TMPRSS4: variants seen among roughly 807,000 people sequenced by gnomAD.
TMPRSS4 encodes the protein transmembrane protease serine 4.
TMPRSS4 carries 45 observed loss-of-function variants against 56.4 expected under a neutral mutation model. The ratio of observed to expected loss-of-function variants is 0.80; its 90% CI spans 0.63 to 1.02. TMPRSS4 has a LOEUF of 1.02. Among genes scored for constraint, TMPRSS4 ranks in the 50% least tolerant of loss-of-function variants. The probability of loss-of-function intolerance (pLI) is 0.00; values close to 1 mark genes in which losing one functional copy is unlikely to be tolerated. For missense variants in TMPRSS4, 546 were observed against 556.7 expected (o/e 0.98, Z 0.19); for synonymous variants, 205 against 211.0 (o/e 0.97, Z 0.25).
chr11:118,091,054 G>A (rs1945913741), intron 1 of TMPRSS4, among the ~76,000 whole-genome samples: 1 of 152,086 alleles, frequency 6.6e-6, no homozygotes, highest in South Asian at 2.1e-4. Context: ...TAGACTCAGT[G>A]GAAAAGAATG....
chr11:118,111,706 C>T, intron 7 of TMPRSS4, 35 bp from the exon 8 acceptor site: 1 of 1,526,706 alleles, frequency 6.6e-7, no homozygotes, highest in Non-Finnish European at 8.8e-7. Flanking sequence ...AACAGCCTGA[C>T]TTCCTGCCTC....
At chr11:118,125,353 C>A (rs948752475), downstream of TMPRSS4, 9 of 456,552 alleles carry the variant, frequency 2.0e-5, no homozygotes, top group Non-Finnish European at 3.5e-5. Context: ...ATTCAGCAAC[C>A]AGCTGTACCG....
At chr11:118,103,012 G>A in intron 3 of TMPRSS4, 89 bp from the exon 4 acceptor site, 1 of 1,537,200 alleles carries the variant, frequency 6.5e-7, no homozygotes, top group Non-Finnish European at 8.8e-7. Context: ...GTGTCTGAGA[G>A]CCCAGCACTA....
intron 1 of TMPRSS4, among the ~76,000 whole-genome samples, chr11:118,090,131 C>A (rs184446716): frequency 6.6e-6 from 1 of 152,154 alleles, no homozygotes; most frequent in Admixed American, 6.5e-5. Flanking sequence ...TGTAAGCCAC[C>A]GTACCTGGCC....
chr11:118,112,595 G>A (rs1051252254), intron 8 of TMPRSS4, among the ~76,000 whole-genome samples: 1 of 151,796 alleles, frequency 6.6e-6, no homozygotes, highest in Non-Finnish European at 1.5e-5. Flanking sequence ...GTTTCACCAT[G>A]TTGGCCAGGC....
chr11:118,113,239 A>G, intron 8 of TMPRSS4, 30 bp from the exon 9 acceptor site: 3 of 1,599,900 alleles, frequency 1.9e-6, no homozygotes, highest in African/African-American at 1.3e-5. Flanking sequence ...GGCTTGGATC[A>G]GGCCTGAACC....
At chr11:118,101,868 T>G (rs1480204569) in intron 3 of TMPRSS4, among the ~76,000 whole-genome samples, 1 of 152,160 alleles carries the variant, frequency 6.6e-6, no homozygotes, top group Admixed American at 6.5e-5. Context: ...GCAACAGAAT[T>G]TGAAAGCAGC....
At chr11:118,106,073 C>G (rs917665536) in intron 5 of TMPRSS4, 1 of 152,340 alleles carries the variant, frequency 6.6e-6, no homozygotes, top group African/African-American at 2.4e-5. Context: ...TTCCTGCAGC[C>G]ACGGAGCCCA....
chr11:118,108,297 A>G (rs1357401289), intron 6 of TMPRSS4: 2 of 176,162 alleles, frequency 1.1e-5, no homozygotes, highest in Non-Finnish European at 2.4e-5. Flanking sequence ...AAGAGGCTCC[A>G]TGGCCCTTGT....
chr11:118,081,103 G>T (rs1945093302), intron 1 of TMPRSS4, among the ~76,000 whole-genome samples: 1 of 152,194 alleles, frequency 6.6e-6, no homozygotes, highest in Non-Finnish European at 1.5e-5. Context: ...TAGTAAATGT[G>T]AATGAATGAA....
At chr11:118,091,502 G>A (rs1156611276) in intron 1 of TMPRSS4, among the ~76,000 whole-genome samples, 2 of 151,920 alleles carry the variant, frequency 1.3e-5, no homozygotes, top group African/African-American at 2.4e-5. Context: ...TTTATGGCCT[G>A]TCCTCCCCCT....
intron 6 of TMPRSS4, chr11:118,108,536 C>A: frequency 2.9e-6 from 1 of 342,626 alleles, no homozygotes; most frequent in Non-Finnish European, 5.2e-6. Flanking sequence ...ATTTGGAAAG[C>A]CCACAGTGTC....
downstream of TMPRSS4, chr11:118,125,452 C>G (rs1406755986): frequency 2.4e-6 from 1 of 424,634 alleles, no homozygotes; most frequent in African/African-American, 2.0e-5. Context: ...CCCCTGTCCC[C>G]CTTATGCCCA....
chr11:118,113,569 C>T lies in TMPRSS4; in HGVS notation c.910+134C>T, dbSNP rs186124725. The T allele has an allele frequency of 3.8e-3, 3,741 of 991,868 alleles. 15 individuals carry two copies. Among genetic ancestry groups the T allele is most frequent in the Admixed American group, 7.3e-3 (305 of 42,060 alleles). The allele number at this position is 991,868 out of a possible 1,614,324, so 61.4% of individuals were successfully genotyped here. ...TCAGCTTGCCCATTTGTCTCTAATA[C>T]GTCAGCCTAACATCACTGATGCCAT... is the stretch of plus-strand genomic sequence containing the variant. On this transcript the variant is annotated intron_variant, in intron 9 of 12. Transcript: ENST00000437212.
At chr11:118,089,558 C>T (rs1269691632) in intron 1 of TMPRSS4, among the ~76,000 whole-genome samples, 1 of 152,192 alleles carries the variant, frequency 6.6e-6, no homozygotes, top group Non-Finnish European at 1.5e-5. Context: ...TCATCCCCAA[C>T]AAAAGCTGGA....
chr11:118,111,815 G>C lies in TMPRSS4; in HGVS notation c.658G>C (p.Val220Leu). ...CTCTGTGGATTCTTGGCCTTGGCAG[G>C]TCAGCATCCAGTACGACAAACAGCA... The part of the protein sequence containing the change: ...EASVDSWPWQ[V>L]SIQYDKQHVC... Residue 220 changes from valine (V) to leucine (L), a missense_variant, in exon 8 of 13, where the codon GTC (valine) becomes CTC (leucine). Coordinates refer to ENST00000437212, the MANE Select transcript of TMPRSS4 (RefSeq NM_019894.4). 6.2e-7 allele frequency: 1 copy of C among 1,606,032 alleles called. No individual in the cohort carries two copies. The highest frequency in any genetic ancestry group is 8.5e-7 in the Non-Finnish European group (1 of 1,176,642).
chr11:118,115,135 C>T lies in TMPRSS4; in HGVS notation c.1010-3C>T. On this transcript the variant is annotated splice_region_variant and splice_polypyrimidine_tract_variant and intron_variant, in intron 10 of 12. Coordinates refer to ENST00000437212, the MANE Select transcript of TMPRSS4 (RefSeq NM_019894.4). ...GGGAATGTGAGTGTTTTTACCCTCC[C>T]AGGGAAGATGTCTGACATACTGCTG... 2 of 1,609,326 alleles carry T rather than the reference C, an allele frequency of 1.2e-6. No individual in the cohort carries two copies. Among genetic ancestry groups the T allele is most frequent in the Non-Finnish European group, 1.7e-6 (2 of 1,178,264 alleles).
intron 2 of TMPRSS4, 119 bp from the exon 3 acceptor site, chr11:118,098,866 A>G: frequency 1.4e-6 from 1 of 726,610 alleles, no homozygotes; most frequent in East Asian, 2.6e-5. Flanking sequence ...AGCATTAACC[A>G]AAACTGTGCT....
At chr11:118,112,198 C>T (rs535384208) in intron 8 of TMPRSS4, among the ~76,000 whole-genome samples, 2 of 152,204 alleles carry the variant, frequency 1.3e-5, no homozygotes, top group African/African-American at 4.8e-5. Flanking sequence ...CCACCTGCCT[C>T]AACTTCCAAG....
Sources: allele counts gnomAD v4.1 joint callset (sites outside exome capture counted in the v4.1 genomes callset), GRCh38; gene constraint gnomAD v4.1.1; transcripts MANE v1.5; gene names NCBI Gene and HGNC (gene_info 2026-07-23, HGNC 2026-07-21).